The following ARK2C variants were observed in gnomAD, a reference collection of about 807,000 sequenced individuals.
ARK2C encodes E3 ubiquitin-protein ligase ARK2C.
chr18:46,380,954 C>T, the ARK2C span, among the ~76,000 whole-genome samples: 1 of 152,190 alleles, frequency 6.6e-6, no homozygotes, highest in Non-Finnish European at 1.5e-5. Flanking sequence ...GGAGTTCCTT[C>T]TCTCAGAAGC....
At chr18:46,347,019 C>T in the ARK2C span, among the ~76,000 whole-genome samples, 57 of 152,318 alleles carry the variant, frequency 3.7e-4, no homozygotes, top group Non-Finnish European at 6.9e-4. Context: ...TCATGCTGGC[C>T]AGAAAGTGTG....
At chr18:46,435,817 G>C in the ARK2C span, among the ~76,000 whole-genome samples, 1 of 152,210 alleles carries the variant, frequency 6.6e-6, no homozygotes, top group Non-Finnish European at 1.5e-5. Context: ...AAGTGCCAGG[G>C]CATGCCAGCA....
chr18:46,417,833 G>A, the ARK2C span, among the ~76,000 whole-genome samples: 32 of 150,526 alleles, frequency 2.1e-4, no homozygotes, highest in African/African-American at 6.6e-4. Context: ...GTGAAACCCC[G>A]TCTCTACTAA....
At chr18:46,335,824 T>C in the ARK2C span, 1 of 937,468 alleles carries the variant, frequency 1.1e-6, no homozygotes, top group Non-Finnish European at 1.3e-6. Flanking sequence ...CCGCAGTTTT[T>C]TGTGTGATGA....
the ARK2C span, among the ~76,000 whole-genome samples, chr18:46,355,484 A>G: frequency 6.6e-6 from 1 of 152,306 alleles, no homozygotes; most frequent in East Asian, 1.9e-4. Context: ...TGGAAAGGAC[A>G]GAAGTGCCCC....
At chr18:46,455,905 G>T in the ARK2C span, 4 of 902,750 alleles carry the variant, frequency 4.4e-6, no homozygotes, top group South Asian at 1.5e-5. Context: ...GCAGGCTGTG[G>T]GTGAAAACCA....
the ARK2C span, among the ~76,000 whole-genome samples, chr18:46,381,571 C>T: frequency 3.3e-5 from 5 of 152,162 alleles, no homozygotes; most frequent in African/African-American, 4.8e-5. Flanking sequence ...TGGCTCACAC[C>T]TGTAGTGCCA....
the ARK2C span, among the ~76,000 whole-genome samples, chr18:46,371,938 C>T: frequency 2.6e-5 from 4 of 152,188 alleles, no homozygotes. Context: ...CAACTAACAG[C>T]TGTTTATTAA....
the ARK2C span, among the ~76,000 whole-genome samples, chr18:46,443,827 A>C: frequency 5.3e-5 from 8 of 152,160 alleles, no homozygotes; most frequent in African/African-American, 1.7e-4. Flanking sequence ...GTCCCACATG[A>C]TTATCATTTC....
At chr18:46,385,198 A>C in the ARK2C span, among the ~76,000 whole-genome samples, 124 of 152,322 alleles carry the variant, frequency 8.1e-4, no homozygotes, top group African/African-American at 2.8e-3. Flanking sequence ...GTGTGATGTC[A>C]TGGGCCAGGG....
chr18:46,388,200 T>C, the ARK2C span, among the ~76,000 whole-genome samples: 1 of 152,164 alleles, frequency 6.6e-6, no homozygotes, highest in Non-Finnish European at 1.5e-5. Flanking sequence ...GTGTTTGGGT[T>C]CCCTGGCTAA....
chr18:46,381,401 G>C, the ARK2C span, among the ~76,000 whole-genome samples: 1 of 152,224 alleles, frequency 6.6e-6, no homozygotes, highest in East Asian at 1.9e-4. Flanking sequence ...TCTGCAGTCA[G>C]AGCCCATGTC....
the ARK2C span, among the ~76,000 whole-genome samples, chr18:46,364,549 T>G: frequency 6.6e-6 from 1 of 152,150 alleles, no homozygotes; most frequent in South Asian, 2.1e-4. Flanking sequence ...CCACCTCCCC[T>G]CTAACTGGAA....
chr18:46,402,540 T>G, the ARK2C span, among the ~76,000 whole-genome samples: 1 of 152,118 alleles, frequency 6.6e-6, no homozygotes, highest in Non-Finnish European at 1.5e-5. Context: ...TTCGAGAGAA[T>G]CTCTCTCTGT....
At chr18:46,424,017 A>G in the ARK2C span, among the ~76,000 whole-genome samples, 1 of 152,170 alleles carries the variant, frequency 6.6e-6, no homozygotes, top group Non-Finnish European at 1.5e-5. Flanking sequence ...CTAAGAACAA[A>G]GGGCATTTAC....
At chr18:46,398,948 C>A in the ARK2C span, among the ~76,000 whole-genome samples, 3 of 151,862 alleles carry the variant, frequency 2.0e-5, no homozygotes, top group Admixed American at 2.0e-4. Context: ...GCCAAAGAAT[C>A]CCCAGGGAGC....
the ARK2C span, among the ~76,000 whole-genome samples, chr18:46,421,608 A>T: frequency 0.2 from 30,631 of 152,116 alleles, 3,440 homozygotes; most frequent in East Asian, 0.38. Context: ...TGCCCAGAAT[A>T]TTGTCCCATT....
At chr18:46,423,591 G>A in the ARK2C span, among the ~76,000 whole-genome samples, 2 of 152,168 alleles carry the variant, frequency 1.3e-5, no homozygotes, top group African/African-American at 4.8e-5. Context: ...GGTTGTATGA[G>A]GACCCATGTG....
the ARK2C span, among the ~76,000 whole-genome samples, chr18:46,443,289 T>C: frequency 6.6e-6 from 1 of 152,254 alleles, no homozygotes; most frequent in Non-Finnish European, 1.5e-5. Flanking sequence ...TATTAAATAT[T>C]GGTTTAATAG....
Sources: gnomAD v4.1 joint callset for allele counts (sites outside exome capture counted in the v4.1 genomes callset) on GRCh38, gnomAD v4.1.1 for gene constraint, MANE v1.5 for transcripts, NCBI Gene and HGNC (gene_info 2026-07-23, HGNC 2026-07-21) for gene names.